ANK3: variants seen among roughly 807,000 people sequenced by gnomAD.
The protein encoded by ANK3 is ankyrin-3.
Under a neutral mutation model 370.9 loss-of-function variants are expected in ANK3, and 57 were observed. The ratio of observed to expected loss-of-function variants is 0.15; its 90% CI spans 0.12 to 0.19. The LOEUF (loss-of-function observed/expected upper bound fraction) is 0.19, where lower values mean the gene tolerates loss of function less well. ANK3 is among the 10% of genes least tolerant of loss of function. The pLI is 1.00. For synonymous variants in ANK3, 1,929 were observed against 1,946.3 expected (o/e 0.99, Z 0.23); for missense variants, 4,439 against 5,302.1 (o/e 0.84, Z 5.06).
chr10:60,533,920 A>T (rs1313437474), intron 2 of ANK3, among the ~76,000 whole-genome samples: 1 of 152,088 alleles, frequency 6.6e-6, no homozygotes, highest in Non-Finnish European at 1.5e-5. Flanking sequence ...ATTTAATAAA[A>T]AATTAAGGTG....
intron 2 of ANK3, among the ~76,000 whole-genome samples, chr10:60,440,791 T>C (rs1467679985): frequency 6.6e-6 from 1 of 152,130 alleles, no homozygotes; most frequent in African/African-American, 2.4e-5. Flanking sequence ...GAGACTTACG[T>C]AACAAAAGGT....
At position 60,072,150 on chromosome 10, in the gene ANK3, C is replaced by A; in HGVS notation, c.8731G>T (p.Gly2911Cys). The A allele has an allele frequency of 6.2e-7, 1 of 1,613,690 alleles. No individual in the cohort carries two copies. The highest frequency in any genetic ancestry group is 8.5e-7 in the Non-Finnish European group (1 of 1,179,964). ...TERERKLLTNGSLSEIKEMTV... is the reference protein window; with the variant it reads ...TERERKLLTNCSLSEIKEMTV... ...ATTTCTTTAATTTCTGAGAGAGAGC[C>A]GTTTGTTAACAATTTGCGTTCTCTC... The change falls in exon 37 of 44, where the codon GGC becomes TGC. Residue 2911 changes from glycine (G) to cysteine (C), a missense_variant. Transcript: ENST00000280772.
intron 2 of ANK3, among the ~76,000 whole-genome samples, chr10:60,518,277 G>C (rs2076268867): frequency 6.6e-6 from 1 of 152,044 alleles, no homozygotes; most frequent in African/African-American, 2.4e-5. Context: ...TGTCAAAAGA[G>C]AAAAAATAGC....
chr10:60,090,583 A>G (rs1003627926), intron 28 of ANK3, among the ~76,000 whole-genome samples: 5 of 152,364 alleles, frequency 3.3e-5, no homozygotes, highest in African/African-American at 1.2e-4. Flanking sequence ...AGGATGGCAG[A>G]TAAGTCAATA....
intron 23 of ANK3, among the ~76,000 whole-genome samples, chr10:60,141,571 T>TTTGTTTTTTG (rs1554993391): frequency 1.7e-5 from 2 of 120,990 alleles, no homozygotes; most frequent in African/African-American, 6.5e-5. Context: ...GTTTTTTTTT[T>TTTGTTTTTTG]TTTTTTTTTT....
intron 1 of ANK3, among the ~76,000 whole-genome samples, chr10:60,302,856 CCAGA>C (rs910007952): frequency 1.3e-5 from 2 of 151,474 alleles, no homozygotes; most frequent in African/African-American, 4.9e-5. Flanking sequence ...AAAAAAAAAC[CCAGA>C]CAATTTAGAA....
At chr10:60,306,428 C>CATATATATATATATATATAT (rs753175801) in intron 1 of ANK3, among the ~76,000 whole-genome samples, 11 of 112,024 alleles carry the variant, frequency 9.8e-5, no homozygotes, top group African/African-American at 4.2e-4. Context: ...GGTGTATGTG[C>CATATATATATATATATATAT]ATATATATAT....
At chr10:60,258,823 T>C (rs2097769101) in intron 7 of ANK3, among the ~76,000 whole-genome samples, 1 of 152,184 alleles carries the variant, frequency 6.6e-6, no homozygotes, top group African/African-American at 2.4e-5. Context: ...CTGTATTTTG[T>C]CACAGGCAGA....
At chr10:60,092,362 A>G (rs1337111270) in intron 28 of ANK3, among the ~76,000 whole-genome samples, 1 of 152,158 alleles carries the variant, frequency 6.6e-6, no homozygotes, top group Non-Finnish European at 1.5e-5. Context: ...GGCTGAGATT[A>G]TGGCTTATTT....
intron 9 of ANK3, 134 bp downstream of exon 9, chr10:60,213,278 T>C: frequency 3.6e-6 from 2 of 548,078 alleles, no homozygotes; most frequent in Non-Finnish European, 6.4e-6. Context: ...TCTGAGGTTC[T>C]ATAAAGATCT....
Position 60,323,972 on chromosome 10 carries a change from G to A in ANK3, c.115-44333C>T, listed in dbSNP as rs189955441. 2.0e-3 allele frequency among the ~76,000 whole-genome samples: 308 copies of A among 152,276 alleles called. 4 individuals are homozygous for A. The highest frequency in any genetic ancestry group is 1.1e-3 in the Admixed American group (17 of 15,286). On this transcript the variant is annotated intron_variant, in intron 1 of 43. Coordinates refer to ENST00000280772, the MANE Select transcript of ANK3 (RefSeq NM_020987.5). ...GGATGATGTAGTAAGGGATAATGTC[G>A]TTTAGAGAGGGTTCGTGAGGGACCC...
At chr10:60,622,608 A>G (rs1030665166) in intron 1 of ANK3, among the ~76,000 whole-genome samples, 4 of 152,172 alleles carry the variant, frequency 2.6e-5, no homozygotes, top group African/African-American at 9.7e-5. Context: ...CTTGTTTACC[A>G]CTGTATCTCT....
At chr10:60,577,188 G>A (rs1171203388) in intron 2 of ANK3, among the ~76,000 whole-genome samples, 1 of 152,152 alleles carries the variant, frequency 6.6e-6, no homozygotes, top group African/African-American at 2.4e-5. Flanking sequence ...TTCCCACAGA[G>A]CTGGCATTGT....
chr10:60,413,535 T>C (rs535112792), intron 2 of ANK3, among the ~76,000 whole-genome samples: 1 of 152,172 alleles, frequency 6.6e-6, no homozygotes, highest in Non-Finnish European at 1.5e-5. Context: ...CAAAACAATA[T>C]TGCTCAACAT....
rs912815823 is a variant in ANK3 at position 60,070,625 on chromosome 10, T to G, written c.10256A>C (p.Asp3419Ala). ...CAAGCCATCATCTTCATCTTGCAGGTCATAGCCATCCAGAGAGTCGATCTC... is the reference window on the plus strand; with the variant it reads ...CAAGCCATCATCTTCATCTTGCAGGGCATAGCCATCCAGAGAGTCGATCTC... ...ATEIDSLDGY[D>A]LQDEDDGLTE... The change falls in exon 37 of 44, where the codon GAC becomes GCC. Residue 3419 changes from aspartate to alanine, a missense_variant. Around this residue, in one of 13 missense-constraint regions of ANK3, gnomAD observed 1,601 missense variants for 1,731.7 expected, o/e 0.92. Coordinates refer to ENST00000280772, the MANE Select transcript of ANK3 (RefSeq NM_020987.5). This position sits in a 1 kb window ranked among gnomAD's most constrained non-coding sequence, Gnocchi z 5.7. The G allele has an allele frequency of 4.3e-6, 7 of 1,614,042 alleles. No individual in the cohort carries two copies. The highest frequency in any genetic ancestry group is 5.1e-6 in the Non-Finnish European group (6 of 1,180,030).
chr10:60,547,397 T>C (rs2076989905), intron 2 of ANK3, among the ~76,000 whole-genome samples: 1 of 151,952 alleles, frequency 6.6e-6, no homozygotes, highest in Non-Finnish European at 1.5e-5. Flanking sequence ...GGTCCTTTTC[T>C]TTTTTCTTTT....
intron 2 of ANK3, among the ~76,000 whole-genome samples, chr10:60,428,978 T>C (rs2063952170): frequency 6.6e-6 from 1 of 152,124 alleles, no homozygotes; most frequent in African/African-American, 2.4e-5. Flanking sequence ...TAAATGTCTA[T>C]GTGTTATTGG....
chr10:60,082,684 T>A lies in ANK3; in HGVS notation c.4254A>T (p.Pro1418=). The part of the protein sequence containing the change: ...PCGRLSFLKE[P]KTTKGLPQTA... ...TTTGAGGCAGTCCTTTTGTTGTCTTTGGTTCTTTCAGAAAAGACAGACGAC... is the reference window on the plus strand; with the variant it reads ...TTTGAGGCAGTCCTTTTGTTGTCTTAGGTTCTTTCAGAAAAGACAGACGAC... Residue 1418 remains proline (P), a synonymous_variant, in exon 34 of 44, where the codon CCA becomes CCT. Coordinates refer to ENST00000280772, the MANE Select transcript of ANK3 (RefSeq NM_020987.5). 1 of 1,614,128 alleles carries A rather than the reference T, an allele frequency of 6.2e-7. No homozygotes were observed. Among genetic ancestry groups the A allele is most frequent in the Non-Finnish European group, 8.5e-7 (1 of 1,179,978 alleles).
chr10:60,665,430 C>T (rs916014427), intron 1 of ANK3, among the ~76,000 whole-genome samples: 2 of 152,200 alleles, frequency 1.3e-5, no homozygotes, highest in Non-Finnish European at 2.9e-5. Context: ...GTGTCCTCAA[C>T]AACAAATGTG....
Sources: gnomAD v4.1 joint callset for allele counts (sites outside exome capture counted in the v4.1 genomes callset) on GRCh38, gnomAD v4.1.1 for gene constraint, gnomAD v4.1.1 regional missense constraint, Gnocchi (gnomAD v3.1) non-coding constraint, MANE v1.5 for transcripts, NCBI Gene and HGNC (gene_info 2026-07-23, HGNC 2026-07-21) for gene names.